Variants in HSPA14 observed in about 807,000 individuals in gnomAD.
HSPA14 encodes heat shock protein family A (Hsp70) member 14, also known as heat shock 70 kDa protein 14.
A neutral mutation model predicts 65.5 loss-of-function variants in HSPA14; 37 were observed. That is an observed-to-expected ratio of 0.56 (90% CI 0.43 to 0.74). The LOEUF (loss-of-function observed/expected upper bound fraction) is 0.74, where lower values mean the gene tolerates loss of function less well. Ranked by LOEUF, HSPA14 falls within the 30% of genes least tolerant of loss-of-function variation. HSPA14 has a pLI of 0.00. For missense variants in HSPA14, 564 were observed against 607.6 expected, an observed-to-expected ratio of 0.93 and a Z score of 0.75; for synonymous variants, 203 against 214.2, an observed-to-expected ratio of 0.95 and a Z score of 0.46.
intron 1 of HSPA14, among the ~76,000 whole-genome samples, chr10:14,839,661 G>C (rs533772829): frequency 3.9e-5 from 6 of 152,144 alleles, no homozygotes; most frequent in Non-Finnish European, 8.8e-5. Context: ...TGTGTAGAAA[G>C]GTTGTTATTA....
intron 3 of HSPA14, chr10:14,845,885 C>T (rs1834044228): frequency 2.3e-6 from 1 of 433,946 alleles, no homozygotes; most frequent in Non-Finnish European, 3.1e-6. Flanking sequence ...ATTTCTTTAT[C>T]TCCGGATTGA....
intron 13 of HSPA14, 22 bp downstream of exon 13, chr10:14,870,689 G>A: frequency 6.6e-7 from 1 of 1,523,298 alleles, no homozygotes; most frequent in Non-Finnish European, 8.9e-7. Flanking sequence ...AACTTCTGTT[G>A]TTAAGAAAAT....
intron 3 of HSPA14, among the ~76,000 whole-genome samples, chr10:14,841,685 A>T (rs1833973299): frequency 6.6e-6 from 1 of 152,248 alleles, no homozygotes; most frequent in Non-Finnish European, 1.5e-5. Flanking sequence ...GTGCAAAAAA[A>T]AAATTTGTAT....
At chr10:14,864,477 C>G (rs1832787433) in intron 10 of HSPA14, among the ~76,000 whole-genome samples, 1 of 151,880 alleles carries the variant, frequency 6.6e-6, no homozygotes, top group African/African-American at 2.4e-5. Context: ...GCTATCCCTC[C>G]CCCCTACCCC....
chr10:14,843,352 T>C lies in HSPA14; in HGVS notation c.221+3195T>C, dbSNP rs1160004899. On this transcript the variant is annotated intron_variant, in intron 3 of 13. Transcript: ENST00000378372. The stretch of plus-strand genomic sequence containing the variant: ...TAGCAGGAATGTTCTCTTTGCAACA[T>C]TGTTGCTTTGTTTTTCAGGGTGCTC... 4 of 1,550,654 alleles carry C rather than the reference T, an allele frequency of 2.6e-6. No homozygotes were observed. In the South Asian group the frequency reaches 3.6e-5, roughly 14 times the overall value.
At chr10:14,867,059 C>T in intron 10 of HSPA14, 24 bp from the exon 11 acceptor site, 1 of 1,549,198 alleles carries the variant, frequency 6.5e-7, no homozygotes, top group Non-Finnish European at 8.9e-7. Flanking sequence ...AAGTAAACAA[C>T]TGAAAATTAT....
chr10:14,863,666 G>C (rs1832776300), intron 10 of HSPA14, among the ~76,000 whole-genome samples: 1 of 152,142 alleles, frequency 6.6e-6, no homozygotes, highest in Non-Finnish European at 1.5e-5. Flanking sequence ...AGAGGCAGCT[G>C]TGTCTGCTGC....
chr10:14,867,318 A>G, intron 11 of HSPA14, 23 bp downstream of exon 11: 2 of 1,504,638 alleles, frequency 1.3e-6, no homozygotes, highest in Non-Finnish European at 1.8e-6. Flanking sequence ...TTTGTATACT[A>G]GTTAAGGTAT....
intron 10 of HSPA14, among the ~76,000 whole-genome samples, chr10:14,858,618 T>C (rs982898412): frequency 2.0e-5 from 3 of 152,172 alleles, no homozygotes; most frequent in Non-Finnish European, 4.4e-5. Context: ...TGCATGTCAG[T>C]GCATTCACAT....
chr10:14,846,498 G>A (rs1834055210), intron 3 of HSPA14: 1 of 985,292 alleles, frequency 1.0e-6, no homozygotes, highest in Non-Finnish European at 1.2e-6. Flanking sequence ...TTAAGGGGAG[G>A]GAAATTGGAA....
In HSPA14 at chr10:14,870,918, C is replaced by T. The variant is rs1832848614; in HGVS notation, c.1451+251C>T. Among the ~76,000 whole-genome samples the T allele has an allele frequency of 2.0e-5, 3 of 152,234 alleles. No homozygotes were observed. In the South Asian group the frequency reaches 6.2e-4, roughly 32 times the overall value. On this transcript the variant is annotated intron_variant, in intron 13 of 13. Coordinates refer to ENST00000378372, the MANE Select transcript of HSPA14 (RefSeq NM_016299.4). ...GCTATCATCAACCTAAGAAACTGAT[C>T]TGTGCTCATTTGAGATGTAATTTAT...
intron 10 of HSPA14, among the ~76,000 whole-genome samples, chr10:14,856,677 C>T (rs547061314): frequency 5.9e-5 from 9 of 152,138 alleles, no homozygotes; most frequent in African/African-American, 1.9e-4. Context: ...GCCTTGGCAA[C>T]ATAGTGAGAC....
intron 3 of HSPA14, chr10:14,845,617 A>G (rs1335650404): frequency 3.7e-6 from 3 of 821,646 alleles, no homozygotes; most frequent in East Asian, 1.2e-4. Flanking sequence ...TTTTTGAGAA[A>G]AAGTCTCACT....
chr10:14,856,029 T>C (rs915131775), intron 10 of HSPA14, 86 bp downstream of exon 10: 7 of 731,586 alleles, frequency 9.6e-6, no homozygotes, highest in Middle Eastern at 3.2e-4. Context: ...TGAAAGAATA[T>C]TTTAATGCAT....
chr10:14,856,762 G>A (rs1391367476), intron 10 of HSPA14, among the ~76,000 whole-genome samples: 1 of 152,074 alleles, frequency 6.6e-6, no homozygotes, highest in Non-Finnish European at 1.5e-5. Context: ...GGGAGGCTGA[G>A]GTGAGAAGAT....
At chr10:14,851,432 C>T in intron 7 of HSPA14, 109 bp downstream of exon 7, 1 of 673,326 alleles carries the variant, frequency 1.5e-6, no homozygotes. Context: ...CCAAACCTTT[C>T]TGGATGGAAA....
chr10:14,846,145 T>G, intron 3 of HSPA14: 1 of 984,622 alleles, frequency 1.0e-6, no homozygotes, highest in Non-Finnish European at 1.2e-6. Context: ...AGAGCATATA[T>G]TTAAGGCATT....
intron 3 of HSPA14, chr10:14,845,138 G>T: frequency 2.0e-6 from 2 of 985,370 alleles, no homozygotes; most frequent in Non-Finnish European, 2.4e-6. Context: ...GACACACACT[G>T]GGGAGAGATG....
chr10:14,846,979 T>TA (rs1834063814), intron 3 of HSPA14: 1 of 985,418 alleles, frequency 1.0e-6, no homozygotes, highest in Non-Finnish European at 1.2e-6. Flanking sequence ...TGTGGACAAA[T>TA]AAAGTTTTCA....
Sources: allele counts gnomAD v4.1 joint callset (sites outside exome capture counted in the v4.1 genomes callset), GRCh38; gene constraint gnomAD v4.1.1; transcripts MANE v1.5; gene names NCBI Gene and HGNC (gene_info 2026-07-23, HGNC 2026-07-21).